Variants in PPP1R12B observed in about 807,000 individuals in gnomAD.
PPP1R12B encodes protein phosphatase 1 regulatory subunit 12B.
PPP1R12B carries 76 observed loss-of-function variants against 126.1 expected under a neutral mutation model. That is an observed-to-expected ratio of 0.60 (90% CI 0.50 to 0.73). The LOEUF (loss-of-function observed/expected upper bound fraction) is 0.73, where lower values mean the gene tolerates loss of function less well. Among genes scored for constraint, PPP1R12B ranks in the 30% least tolerant of loss-of-function variants. PPP1R12B has a pLI of 0.00. For synonymous variants in PPP1R12B, 356 were observed against 434.7 expected, an observed-to-expected ratio of 0.82 and a Z score of 2.25; for missense variants, 1,052 against 1,205.1, an observed-to-expected ratio of 0.87 and a Z score of 1.88.
At position 202,495,387 on chromosome 1, in the gene PPP1R12B, C is replaced by G; in HGVS notation, c.2240C>G (p.Ser747Cys). 1 of 1,611,434 alleles carries G rather than the reference C, an allele frequency of 6.2e-7. No homozygotes were observed. Among genetic ancestry groups the G allele is most frequent in the Non-Finnish European group, 8.5e-7 (1 of 1,178,338 alleles). The change falls in exon 16 of 24, where the codon TCC (serine) becomes TGC (cysteine). Residue 747 changes from serine (S) to cysteine (C), a missense_variant. Coordinates refer to ENST00000608999, the MANE Select transcript of PPP1R12B (RefSeq NM_002481.4). ...STSRPSLYTS[S>C]HLLWTNRFSV... ...TCAAGACCCTCACTCTACACCAGTT[C>G]CCACCTGCTATGGACAAATAGATTT...
chr1:202,489,173 C>T (rs1024406034), intron 14 of PPP1R12B, among the ~76,000 whole-genome samples: 1 of 152,222 alleles, frequency 6.6e-6, no homozygotes, highest in Non-Finnish European at 1.5e-5. Context: ...CCCATTCTCA[C>T]CAATATTCCT....
At chr1:202,443,193 C>G (rs1671845383) in intron 12 of PPP1R12B, 1 of 861,578 alleles carries the variant, frequency 1.2e-6, no homozygotes, top group Admixed American at 6.2e-5. Context: ...TTGCCACATA[C>G]TAGCCAGCAA....
chr1:202,358,217 ATGT>A (rs897335643), intron 1 of PPP1R12B, among the ~76,000 whole-genome samples: 6 of 152,054 alleles, frequency 3.9e-5, no homozygotes, highest in African/African-American at 1.4e-4. Flanking sequence ...CAATTTGTTG[ATGT>A]TGTTTTTGTC....
intron 18 of PPP1R12B, among the ~76,000 whole-genome samples, chr1:202,546,242 G>T (rs1441188640): frequency 6.6e-6 from 1 of 152,154 alleles, no homozygotes; most frequent in Non-Finnish European, 1.5e-5. Context: ...TGGGGATAAG[G>T]ATGAGCCTGA....
chr1:202,440,722 G>T lies in PPP1R12B; in HGVS notation c.1475G>T (p.Ser492Ile), dbSNP rs761218693. The T allele has an allele frequency of 6.8e-6, 11 of 1,613,348 alleles. No homozygotes were observed. The highest frequency in any genetic ancestry group is 9.3e-6 in the Non-Finnish European group (11 of 1,179,354). ...DNKDKERENK[S>I]YISSLAPRKL... is the part of the protein sequence containing the mutation. Reference sequence around the variant, plus strand: ...ATTTTACAGGAGAGAGAAAACAAAAGCTATATTAGTTCACTAGCACCCCGG... The same window carrying T: ...ATTTTACAGGAGAGAGAAAACAAAATCTATATTAGTTCACTAGCACCCCGG... The change falls in exon 11 of 24, where the codon AGC (serine) becomes ATC (isoleucine). Residue 492 changes from serine to isoleucine, a missense_variant. Coordinates refer to ENST00000608999, the MANE Select transcript of PPP1R12B (RefSeq NM_002481.4).
intron 18 of PPP1R12B, among the ~76,000 whole-genome samples, chr1:202,518,984 C>T (rs966807921): frequency 1.3e-5 from 2 of 152,116 alleles, no homozygotes; most frequent in Non-Finnish European, 2.9e-5. Context: ...TACACTGTGC[C>T]TCACAAATAG....
chr1:202,560,244 A>G (rs1178714956), intron 19 of PPP1R12B, among the ~76,000 whole-genome samples: 1 of 152,206 alleles, frequency 6.6e-6, no homozygotes, highest in South Asian at 2.1e-4. Flanking sequence ...TCCAAGTGTG[A>G]TACCATTACC....
At chr1:202,571,950 T>C (rs765751445) in intron 23 of PPP1R12B, among the ~76,000 whole-genome samples, 7 of 152,218 alleles carry the variant, frequency 4.6e-5, no homozygotes, top group Admixed American at 1.3e-4. Context: ...GGGAGAAGCA[T>C]CTGTGCCTCT....
chr1:202,571,416 A>G (rs906846583), intron 23 of PPP1R12B, among the ~76,000 whole-genome samples: 11 of 151,810 alleles, frequency 7.2e-5, no homozygotes, highest in African/African-American at 2.4e-4. Context: ...CCCTAAACCA[A>G]TAGGTAAGCT....
chr1:202,554,574 A>C (rs1686687114), intron 18 of PPP1R12B, among the ~76,000 whole-genome samples: 1 of 152,244 alleles, frequency 6.6e-6, no homozygotes, highest in African/African-American at 2.4e-5. Flanking sequence ...ACATAGCTCC[A>C]AAAGTCAGGT....
chr1:202,390,128 C>A (rs766774569), intron 1 of PPP1R12B, among the ~76,000 whole-genome samples: 2 of 152,088 alleles, frequency 1.3e-5, no homozygotes, highest in Non-Finnish European at 2.9e-5. Context: ...TTGTAGAAAT[C>A]CGTGCAACTA....
Position 202,582,721 on chromosome 1 carries a change from TAA to T in PPP1R12B, c.*2165_*2166del, listed in dbSNP as rs1256912260. 1 of 152,088 alleles carries T rather than the reference TAA, an allele frequency of 6.6e-6. No individual in the cohort carries two copies. Among genetic ancestry groups the T allele is most frequent in the Non-Finnish European group, 1.5e-5 (1 of 68,082 alleles). 9.4% of individuals were successfully genotyped at this position (152,088 alleles called of 1,614,324 possible). On this transcript the variant is annotated 3_prime_UTR_variant, in exon 24 of 24. Coordinates refer to ENST00000608999, the MANE Select transcript of PPP1R12B (RefSeq NM_002481.4). Reference sequence around the variant, plus strand: ...TAACACGGTGAAACCCAATCTCTACTAAAAATACAAAAAATTAGCCAGGCGTG... The same window carrying T: ...TAACACGGTGAAACCCAATCTCTACTAAATACAAAAAATTAGCCAGGCGTG...
In PPP1R12B at chr1:202,567,776, A is replaced by G; in HGVS notation, c.2758-2A>G. 6.2e-7 allele frequency: 1 copy of G among 1,614,036 alleles called. No homozygotes were observed. Among genetic ancestry groups the G allele is most frequent in the East Asian group, 2.2e-5 (1 of 44,886 alleles). ...CAACTGTTTTCCTTCCATTTGCACCAGCAGAAACAAGAAAAGACCTCTGAC... is the reference window on the plus strand; with the variant it reads ...CAACTGTTTTCCTTCCATTTGCACCGGCAGAAACAAGAAAAGACCTCTGAC... On this transcript the variant is annotated splice_acceptor_variant, in intron 21 of 23. Transcript: ENST00000608999. LOFTEE classifies it high-confidence loss of function.
At chr1:202,361,870 T>C (rs893439728) in intron 1 of PPP1R12B, among the ~76,000 whole-genome samples, 2 of 152,040 alleles carry the variant, frequency 1.3e-5, no homozygotes, top group Admixed American at 6.6e-5. Context: ...TGTGGGCAAA[T>C]GATGTGCTTG....
At chr1:202,394,618 G>A (rs1352294570) in intron 1 of PPP1R12B, among the ~76,000 whole-genome samples, 1 of 152,028 alleles carries the variant, frequency 6.6e-6, no homozygotes, top group Admixed American at 6.6e-5. Context: ...GCCGGGCATG[G>A]TGGCGCATGC....
chr1:202,591,779 G>C lies in PPP1R12B; in HGVS notation c.*11219G>C, dbSNP rs1348896483. ...AAGCAGGGATGGTTCTGTCATCCCT[G>C]GCTGAGCTGCTGACTGGCTGCTCCT... On this transcript the variant is annotated 3_prime_UTR_variant, in exon 24 of 24. Transcript: ENST00000608999. 2 of 152,748 alleles carry C rather than the reference G, an allele frequency of 1.3e-5. No individual in the cohort carries two copies. The highest frequency in any genetic ancestry group is 4.8e-5 in the African/African-American group (2 of 41,426). 9.5% of individuals were successfully genotyped at this position (152,748 alleles called of 1,614,324 possible).
intron 1 of PPP1R12B, among the ~76,000 whole-genome samples, chr1:202,381,299 G>T (rs1662216552): frequency 6.6e-6 from 1 of 151,776 alleles, no homozygotes; most frequent in Non-Finnish European, 1.5e-5. Context: ...GAAGAAAAGG[G>T]AAAGAAAAAA....
intron 3 of PPP1R12B, among the ~76,000 whole-genome samples, chr1:202,423,064 T>G (rs1669019761): frequency 6.6e-6 from 1 of 152,176 alleles, no homozygotes; most frequent in African/African-American, 2.4e-5. Flanking sequence ...ACAGTGTAAA[T>G]TTGAGAATTG....
chr1:202,451,802 A>T (rs546289498), intron 13 of PPP1R12B, among the ~76,000 whole-genome samples: 37 of 140,910 alleles, frequency 2.6e-4, no homozygotes, highest in Admixed American at 4.2e-4. Flanking sequence ...GTGGGGGCTG[A>T]CCCCCCACCT....
Sources: gnomAD v4.1 joint callset for allele counts (sites outside exome capture counted in the v4.1 genomes callset) on GRCh38, gnomAD v4.1.1 for gene constraint, MANE v1.5 for transcripts, NCBI Gene and HGNC (gene_info 2026-07-23, HGNC 2026-07-21) for gene names.